Variants in GPSM2 observed in about 807,000 individuals in gnomAD.
GPSM2 encodes G protein-signaling modulator 2.
In GPSM2, 58 loss-of-function variants were observed where a neutral mutation model predicts 78.4. The observed-to-expected ratio is 0.74, with a 90% CI of 0.60 to 0.92. GPSM2 has a LOEUF of 0.92. Ranked by LOEUF, GPSM2 falls within the 40% of genes least tolerant of loss-of-function variation. The pLI, the probability that GPSM2 is intolerant of heterozygous loss-of-function variation, is 0.00. For missense variants in GPSM2, 700 were observed against 815.5 expected, an observed-to-expected ratio of 0.86 and a Z score of 1.73; for synonymous variants, 224 against 280.2, an observed-to-expected ratio of 0.80 and a Z score of 2.00.
rs1470677757 is a variant in GPSM2 at position 108,931,561 on chromosome 1, C to CTAT, written c.*1623_*1625dup. On this transcript the variant is annotated 3_prime_UTR_variant, in exon 15 of 15. Coordinates refer to ENST00000264126, the MANE Select transcript of GPSM2 (RefSeq NM_013296.5). ...AGGTGATTTGGATGGGCAAATAGAACTATTTCTCTAATGGCCAATGTTTTT... is the reference window on the plus strand; with the variant it reads ...AGGTGATTTGGATGGGCAAATAGAACTATTATTTCTCTAATGGCCAATGTTTTT... 7 of 1,456,340 alleles carry CTAT rather than the reference C, an allele frequency of 4.8e-6. No individual in the cohort carries two copies. The East Asian group carries it at 7.9e-5, about 16-fold the overall frequency. The allele number at this position is 1,456,340 out of a possible 1,614,324, so 90.2% of individuals were successfully genotyped here. A position where few individuals can be genotyped will look rare whatever the true frequency, so the allele number is the denominator to read the frequency against.
At chr1:108,884,955 GTT>G (rs889376627) in intron 1 of GPSM2, among the ~76,000 whole-genome samples, 15 of 152,138 alleles carry the variant, frequency 9.9e-5, no homozygotes, top group African/African-American at 3.6e-4. Context: ...GTTAATAGTA[GTT>G]TTTAAAAGTT....
chr1:108,885,410 C>T lies in GPSM2; in HGVS notation c.-113C>T. On this transcript the variant is annotated 5_prime_UTR_variant, in exon 2 of 15. Transcript: ENST00000264126. ...TCAGGAGCTTAGGATGTATTAACAC[C>T]AACTCATTAATATACTAACCGGACA... 1 of 653,736 alleles carries T rather than the reference C, an allele frequency of 1.5e-6. No individual in the cohort carries two copies. The highest frequency in any genetic ancestry group is 2.7e-6 in the Non-Finnish European group (1 of 367,372). 40.5% of individuals were successfully genotyped at this position (653,736 alleles called of 1,614,324 possible).
At chr1:108,918,914 T>C (rs1231796823) in intron 12 of GPSM2, 125 bp downstream of exon 12, 2 of 685,518 alleles carry the variant, frequency 2.9e-6, no homozygotes, top group South Asian at 1.7e-5. Context: ...TGTATTCATA[T>C]TTCCCTATCT....
chr1:108,880,044 T>C (rs932169547), intron 1 of GPSM2, among the ~76,000 whole-genome samples: 2 of 152,192 alleles, frequency 1.3e-5, no homozygotes, highest in African/African-American at 4.8e-5. Context: ...TACCCATCCT[T>C]CAAGGTGCTG....
intron 2 of GPSM2, among the ~76,000 whole-genome samples, chr1:108,893,376 C>G (rs1413049057): frequency 6.6e-6 from 1 of 152,186 alleles, no homozygotes; most frequent in Non-Finnish European, 1.5e-5. Flanking sequence ...TTCCTCACTT[C>G]CCCCTCAGTG....
chr1:108,913,286 TATC>T (rs1370411893), intron 10 of GPSM2, among the ~76,000 whole-genome samples: 1 of 152,202 alleles, frequency 6.6e-6, no homozygotes, highest in Non-Finnish European at 1.5e-5. Context: ...GTAGTGTGCT[TATC>T]ATAGCAAAAA....
rs1336857188 is a variant in GPSM2, at chr1:108,898,994, A to G, written c.797A>G (p.Lys266Arg). 3 of 1,459,430 alleles carry G rather than the reference A, an allele frequency of 2.1e-6. No homozygotes were observed. The highest frequency in any genetic ancestry group is 1.1e-5 in the South Asian group (1 of 87,886). The allele number at this position is 1,459,430 out of a possible 1,614,324, so 90.4% of individuals were successfully genotyped here. A position where few individuals can be genotyped will look rare whatever the true frequency, so the allele number is the denominator to read the frequency against. ...GEFETASEYYKKTLLLARQLK... is the reference protein window; with the variant it reads ...GEFETASEYYRKTLLLARQLK... ...TTTGAAACTGCCTCGGAATACTACA[A>G]GTTAGTCTAATATTTCTGTAGATAA... The change falls in exon 7 of 15, where the codon AAG becomes AGG. Residue 266 changes from lysine (K) to arginine (R), a missense_variant and splice_region_variant. Coordinates refer to ENST00000264126, the MANE Select transcript of GPSM2 (RefSeq NM_013296.5).
intron 14 of GPSM2, among the ~76,000 whole-genome samples, chr1:108,925,610 C>T (rs1651060585): frequency 6.6e-6 from 1 of 151,862 alleles, no homozygotes; most frequent in Admixed American, 6.6e-5. Context: ...GCAAATGTTG[C>T]TAAGAACCTG....
rs1464840369 is a variant in GPSM2, at chr1:108,932,431, T to C, written c.*2491T>C. 2 of 152,246 alleles carry C rather than the reference T, an allele frequency of 1.3e-5. No homozygotes were observed. Among genetic ancestry groups the C allele is most frequent in the Non-Finnish European group, 2.9e-5 (2 of 68,046 alleles). The allele number at this position is 152,246 out of a possible 1,614,324, so 9.4% of individuals were successfully genotyped here. ...CATATTTAAGTCTTTCCTGAATTGC[T>C]GTCATCATTCAACAACAGTTGCATG... On this transcript the variant is annotated 3_prime_UTR_variant, in exon 15 of 15. Transcript: ENST00000264126.
chr1:108,921,943 T>C (rs1650742343), intron 12 of GPSM2, among the ~76,000 whole-genome samples: 1 of 152,222 alleles, frequency 6.6e-6, no homozygotes, highest in African/African-American at 2.4e-5. Flanking sequence ...AATATAGTTC[T>C]TGCTCTCCTC....
chr1:108,886,447 A>C (rs1647555244), intron 2 of GPSM2, among the ~76,000 whole-genome samples: 1 of 152,226 alleles, frequency 6.6e-6, no homozygotes, highest in South Asian at 2.1e-4. Context: ...AGTCAGGCTG[A>C]GGAAAGGCAC....
At chr1:108,927,840 G>A (rs1318842606) in intron 14 of GPSM2, among the ~76,000 whole-genome samples, 1 of 152,140 alleles carries the variant, frequency 6.6e-6, no homozygotes, top group African/African-American at 2.4e-5. Context: ...GCACACACCT[G>A]TAGTCCCAGC....
intron 2 of GPSM2, among the ~76,000 whole-genome samples, chr1:108,896,063 A>G (rs990859971): frequency 6.6e-6 from 1 of 152,222 alleles, no homozygotes; most frequent in African/African-American, 2.4e-5. Flanking sequence ...AAGATGCTGA[A>G]GAAACACAAT....
intron 9 of GPSM2, 73 bp from the exon 10 acceptor site, chr1:108,904,051 AC>A (rs1557866262): frequency 2.0e-6 from 2 of 996,876 alleles, no homozygotes; most frequent in African/African-American, 1.6e-5. Context: ...TTTTAGGTTC[AC>A]TACATTTACA....
intron 13 of GPSM2, 54 bp from the exon 14 acceptor site, chr1:108,923,939 GTTTTTTT>G (rs1650926689): frequency 4.1e-6 from 5 of 1,228,666 alleles, no homozygotes; most frequent in Non-Finnish European, 4.8e-6. Flanking sequence ...ATGTGCCTAG[GTTTTTTT>G]GTTTTTTGTT....
At chr1:108,888,977 A>G (rs1647768171) in intron 2 of GPSM2, among the ~76,000 whole-genome samples, 2 of 152,222 alleles carry the variant, frequency 1.3e-5, no homozygotes, top group South Asian at 2.1e-4. Flanking sequence ...TGGGAATTAT[A>G]TACTTTTTTC....
At chr1:108,914,872 G>A (rs1336973043) in intron 11 of GPSM2, among the ~76,000 whole-genome samples, 1 of 152,128 alleles carries the variant, frequency 6.6e-6, no homozygotes, top group Non-Finnish European at 1.5e-5. Context: ...ATGATCAAGA[G>A]GAGAGTTGTT....
intron 10 of GPSM2, among the ~76,000 whole-genome samples, chr1:108,906,811 G>A (rs1319080277): frequency 6.6e-6 from 1 of 152,116 alleles, no homozygotes; most frequent in Non-Finnish European, 1.5e-5. Flanking sequence ...CTGGGAGGAG[G>A]GTTTTGAGAT....
chr1:108,901,559 G>C (rs1041426341), intron 7 of GPSM2, among the ~76,000 whole-genome samples: 7 of 152,136 alleles, frequency 4.6e-5, no homozygotes, highest in African/African-American at 1.7e-4. Context: ...TTGATGAATT[G>C]TTAGGATTCT....
Sources: allele counts gnomAD v4.1 joint callset (sites outside exome capture counted in the v4.1 genomes callset), GRCh38; gene constraint gnomAD v4.1.1; transcripts MANE v1.5; gene names NCBI Gene and HGNC (gene_info 2026-07-23, HGNC 2026-07-21).